CCDC144A: variants seen among roughly 807,000 people sequenced by gnomAD.
The protein encoded by CCDC144A is coiled-coil domain containing 144A.
In CCDC144A, 41 loss-of-function variants were observed where a neutral mutation model predicts 143.8. That is an observed-to-expected ratio of 0.29 (90% CI 0.22 to 0.37). The LOEUF (loss-of-function observed/expected upper bound fraction) is 0.37. Ranked by LOEUF, CCDC144A falls within the 10% of genes least tolerant of loss-of-function variation. The pLI, the probability that CCDC144A is intolerant of heterozygous loss-of-function variation, is 1.00. For synonymous variants in CCDC144A, 242 were observed against 517.9 expected (o/e 0.47, Z 7.23); for missense variants, 637 against 1,488.8 (o/e 0.43, Z 9.41).
the CCDC144A span, chr17:16,683,462 C>T: frequency 3.1e-6 from 4 of 1,310,310 alleles, no homozygotes; most frequent in Non-Finnish European, 4.3e-6. Flanking sequence ...TCCCTGGCGG[C>T]AGAGTCGCCT....
At chr17:16,765,906 T>G (rs1336042845) in intron 15 of CCDC144A, 1 of 152,262 alleles carries the variant, frequency 6.6e-6, no homozygotes, top group East Asian at 1.9e-4. Context: ...TATAATGTTC[T>G]CATTAGTACT....
chr17:16,762,935 A>G (rs1915440817), intron 14 of CCDC144A, among the ~76,000 whole-genome samples: 1 of 138,764 alleles, frequency 7.2e-6, no homozygotes, highest in Non-Finnish European at 1.5e-5. Flanking sequence ...ATACTAATTA[A>G]TTAATTTCTG....
chr17:16,677,014 T>C, the CCDC144A span, among the ~76,000 whole-genome samples: 1 of 152,088 alleles, frequency 6.6e-6, no homozygotes, highest in Non-Finnish European at 1.5e-5. Context: ...CCCAGGAATA[T>C]ACATTGAAAA....
the CCDC144A span, among the ~76,000 whole-genome samples, chr17:16,681,633 T>C: frequency 3.9e-5 from 6 of 151,930 alleles, no homozygotes; most frequent in Non-Finnish European, 7.4e-5. Context: ...CTGAAGCAGG[T>C]GGATCACCTG....
the CCDC144A span, among the ~76,000 whole-genome samples, chr17:16,669,131 A>G: frequency 6.6e-6 from 1 of 152,250 alleles, no homozygotes; most frequent in African/African-American, 2.4e-5. Context: ...TGCATTTATT[A>G]AGCAGTGAAA....
At chr17:16,770,236 G>A (rs1341021192) in intron 15 of CCDC144A, among the ~76,000 whole-genome samples, 4 of 151,928 alleles carry the variant, frequency 2.6e-5, no homozygotes, top group Non-Finnish European at 4.4e-5. Flanking sequence ...TGCAAGCTCC[G>A]CCTCCTGGGT....
Position 16,690,524 on chromosome 17 carries a change from G to A in CCDC144A, c.124G>A (p.Gly42Arg), listed in dbSNP as rs574092546. The change falls in exon 1 of 17, where the codon GGG becomes AGG. Residue 42 changes from glycine to arginine, a missense_variant. Physicochemically the swap from Gly to Arg is moderately radical, Grantham distance 125. Coordinates refer to ENST00000399273, the MANE Select transcript of CCDC144A (RefSeq NM_001382000.1). ...QGDQWYLGYP[G>R]DQWSSGFPYS... ...GGACCAGTGGTACTTGGGCTACCCG[G>A]GGGACCAGTGGTCCTCGGGCTTCCC... 32 of 1,613,324 alleles carry A rather than the reference G, an allele frequency of 2.0e-5. No individual in the cohort carries two copies. The South Asian group carries it at 3.1e-4, about 16-fold the overall frequency.
chr17:16,770,541 C>T (rs1473278788), intron 15 of CCDC144A, among the ~76,000 whole-genome samples: 1 of 151,962 alleles, frequency 6.6e-6, no homozygotes, highest in Non-Finnish European at 1.5e-5. Flanking sequence ...ATCTGAAGCC[C>T]ACTCCTACCT....
Position 16,690,685 on chromosome 17 carries a change from G to C in CCDC144A, c.285G>C (p.Gly95=). ...CTGCCCGGTCGGGCGACGTCCCTGGGGTGGAGCACATCTTAGCTCCTGGAG... is the reference window on the plus strand; with the variant it reads ...CTGCCCGGTCGGGCGACGTCCCTGGCGTGGAGCACATCTTAGCTCCTGGAG... The part of the protein sequence containing the change: ...HRAARSGDVP[G]VEHILAPGDT... Residue 95 remains glycine, a synonymous_variant, in exon 1 of 17, where the codon GGG becomes GGC. Coordinates refer to ENST00000399273, the MANE Select transcript of CCDC144A (RefSeq NM_001382000.1). The C allele has an allele frequency of 6.2e-7, 1 of 1,613,866 alleles. No homozygotes were observed. Among genetic ancestry groups the C allele is most frequent in the Non-Finnish European group, 8.5e-7 (1 of 1,179,812 alleles).
intron 4 of CCDC144A, 32 bp from the exon 5 acceptor site, chr17:16,708,764 A>G: frequency 6.2e-7 from 1 of 1,611,316 alleles, no homozygotes; most frequent in South Asian, 1.1e-5. Flanking sequence ...AAATAAAACA[A>G]GCAAATTAAT....
chr17:16,766,217 T>C (rs959149512), intron 15 of CCDC144A: 3 of 152,340 alleles, frequency 2.0e-5, no homozygotes, highest in East Asian at 1.9e-4. Context: ...TTGCACTCTT[T>C]TGAGTTTCTG....
At chr17:16,675,775 C>T in the CCDC144A span, among the ~76,000 whole-genome samples, 2 of 152,156 alleles carry the variant, frequency 1.3e-5, no homozygotes, top group South Asian at 4.2e-4. Context: ...CGGAATCTCG[C>T]TCTGTCGCCC....
At chr17:16,742,419 G>C (rs1383235047) in intron 12 of CCDC144A, among the ~76,000 whole-genome samples, 2 of 152,048 alleles carry the variant, frequency 1.3e-5, no homozygotes, top group Admixed American at 6.5e-5. Context: ...GTATTCCACT[G>C]TGGACATATA....
At chr17:16,711,161 A>AAAAAAAAAAAAAAAAAAAAT (rs1191359914) in intron 5 of CCDC144A, among the ~76,000 whole-genome samples, 2 of 145,836 alleles carry the variant, frequency 1.4e-5, no homozygotes, top group Non-Finnish European at 3.0e-5. Context: ...AAAAAAAACA[A>AAAAAAAAAAAAAAAAAAAAT]AAGTTAGTGG....
intron 12 of CCDC144A, among the ~76,000 whole-genome samples, chr17:16,740,294 A>C (rs1473853503): frequency 6.6e-6 from 1 of 152,200 alleles, no homozygotes; most frequent in African/African-American, 2.4e-5. Context: ...TTCTTGGCAC[A>C]GATACTACAT....
At chr17:16,709,657 C>T (rs1014666704) in intron 5 of CCDC144A, 22 bp downstream of exon 5, 1 of 1,603,448 alleles carries the variant, frequency 6.2e-7, no homozygotes, top group African/African-American at 1.3e-5. Context: ...CTTGCTGCCA[C>T]TCTTTGTTTT....
intron 6 of CCDC144A, among the ~76,000 whole-genome samples, chr17:16,712,535 C>T (rs1912514628): frequency 6.6e-6 from 1 of 151,828 alleles, no homozygotes; most frequent in Non-Finnish European, 1.5e-5. Context: ...ATGTTAAGGA[C>T]ATTTATTACA....
chr17:16,737,393 C>A, intron 12 of CCDC144A: 1 of 832,744 alleles, frequency 1.2e-6, no homozygotes, highest in Non-Finnish European at 1.6e-6. Context: ...GTCTCGATCT[C>A]CTGACCTCGT....
At chr17:16,713,456 A>T (rs1285819351) in intron 6 of CCDC144A, among the ~76,000 whole-genome samples, 3 of 152,212 alleles carry the variant, frequency 2.0e-5, no homozygotes, top group Non-Finnish European at 4.4e-5. Context: ...ACAAAATAAG[A>T]TTATTTTCTG....
Sources: gnomAD v4.1 joint callset for allele counts (sites outside exome capture counted in the v4.1 genomes callset) on GRCh38, gnomAD v4.1.1 for gene constraint, MANE v1.5 for transcripts, NCBI Gene and HGNC (gene_info 2026-07-23, HGNC 2026-07-21) for gene names.